CTDSPL2: variants seen among roughly 807,000 people sequenced by gnomAD.
CTDSPL2 encodes the protein CTD small phosphatase-like protein 2.
CTDSPL2 carries 5 observed loss-of-function variants against 60.0 expected under a neutral mutation model. The observed-to-expected ratio is 0.08, with a 90% CI of 0.04 to 0.18. CTDSPL2 has a LOEUF of 0.18. Ranked by LOEUF, CTDSPL2 falls within the 10% of genes least tolerant of loss-of-function variation. The probability of loss-of-function intolerance (pLI) is 1.00; values close to 1 mark genes in which losing one functional copy is unlikely to be tolerated. For synonymous variants in CTDSPL2, 186 were observed against 189.3 expected (o/e 0.98, Z 0.14); for missense variants, 370 against 548.8 (o/e 0.67, Z 3.26).
chr15:44,515,081 T>C (rs930072065), intron 10 of CTDSPL2, among the ~76,000 whole-genome samples: 3 of 151,990 alleles, frequency 2.0e-5, no homozygotes, highest in Non-Finnish European at 2.9e-5. Flanking sequence ...ATCTATATCC[T>C]CATTTCTTTT....
At chr15:44,462,166 A>G (rs2080584395) in intron 2 of CTDSPL2, among the ~76,000 whole-genome samples, 1 of 151,908 alleles carries the variant, frequency 6.6e-6, no homozygotes, top group South Asian at 2.1e-4. Context: ...CTGGTCACAA[A>G]CTCCTGGTCT....
At chr15:44,518,243 T>C (rs2081693724) in intron 10 of CTDSPL2, among the ~76,000 whole-genome samples, 1 of 152,204 alleles carries the variant, frequency 6.6e-6, no homozygotes, top group South Asian at 2.1e-4. Flanking sequence ...TTACCAATTA[T>C]TAATATATAC....
chr15:44,524,028 C>T, intron 12 of CTDSPL2, 81 bp from the exon 13 acceptor site: 1 of 1,087,226 alleles, frequency 9.2e-7, no homozygotes, highest in South Asian at 1.3e-5. Context: ...TATGTTTTCT[C>T]TGCAAGGTAA....
chr15:44,523,410 A>G (rs527397894), intron 12 of CTDSPL2, among the ~76,000 whole-genome samples: 1 of 140,242 alleles, frequency 7.1e-6, no homozygotes, highest in African/African-American at 2.5e-5. Context: ...ATACATACAT[A>G]CATACATACA....
Position 44,524,297 on chromosome 15 carries a change from T to A in CTDSPL2, c.*123T>A, listed in dbSNP as rs2081838609. Reference sequence around the variant, plus strand: ...TGTACCCCGTCTTGCTTTTCTTATCTTTGGTGCCCAATAATAATTAAGGGT... The same window carrying A: ...TGTACCCCGTCTTGCTTTTCTTATCATTGGTGCCCAATAATAATTAAGGGT... On this transcript the variant is annotated 3_prime_UTR_variant, in exon 13 of 13. Transcript: ENST00000260327. The A allele has an allele frequency of 2.8e-6, 2 of 717,792 alleles. No individual in the cohort carries two copies. The highest frequency in any genetic ancestry group is 4.4e-5 in the Admixed American group (2 of 45,796). The allele number at this position is 717,792 out of a possible 1,614,324, so 44.5% of individuals were successfully genotyped here.
chr15:44,431,025 T>A (rs1229778551), intron 1 of CTDSPL2, among the ~76,000 whole-genome samples: 1 of 152,076 alleles, frequency 6.6e-6, no homozygotes, highest in Non-Finnish European at 1.5e-5. Flanking sequence ...TTTCTCTATG[T>A]TGGCCAGGCT....
At position 44,464,460 on chromosome 15, in the gene CTDSPL2, T is replaced by C. The variant is rs1301734847; in HGVS notation, c.186+5260T>C. On this transcript the variant is annotated intron_variant, in intron 2 of 12. Coordinates refer to ENST00000260327, the MANE Select transcript of CTDSPL2 (RefSeq NM_016396.3). ...GGTGCTGCTAGGATTTAAACTCATATGTATTTAACTGATACCTGTATTATT... is the reference window on the plus strand; with the variant it reads ...GGTGCTGCTAGGATTTAAACTCATACGTATTTAACTGATACCTGTATTATT... Among the ~76,000 whole-genome samples the C allele has an allele frequency of 2.0e-5, 3 of 152,242 alleles. No individual in the cohort carries two copies. In the East Asian group the frequency reaches 5.8e-4, roughly 29 times the overall value.
At chr15:44,461,908 A>G (rs1221241420) in intron 2 of CTDSPL2, among the ~76,000 whole-genome samples, 3 of 152,058 alleles carry the variant, frequency 2.0e-5, no homozygotes, top group Non-Finnish European at 4.4e-5. Context: ...TAATGGACCA[A>G]TACAGTTCAA....
intron 2 of CTDSPL2, among the ~76,000 whole-genome samples, chr15:44,466,776 C>CAA (rs36050498): frequency 2.4e-4 from 34 of 143,348 alleles, no homozygotes; most frequent in East Asian, 8.1e-4. Context: ...ACTAAAAATA[C>CAA]AAAAAAAAAA....
chr15:44,472,808 C>T (rs952451151), intron 2 of CTDSPL2, among the ~76,000 whole-genome samples: 22 of 152,254 alleles, frequency 1.4e-4, no homozygotes, highest in Non-Finnish European at 2.9e-4. Flanking sequence ...GGATTACAGG[C>T]ACATGCCACC....
chr15:44,527,772 G>T lies in CTDSPL2; in HGVS notation c.*3598G>T. 1 of 152,158 alleles carries T rather than the reference G, an allele frequency of 6.6e-6. No homozygotes were observed. The highest frequency in any genetic ancestry group is 1.9e-4 in the East Asian group (1 of 5,196). The allele number at this position is 152,158 out of a possible 1,614,324, so 9.4% of individuals were successfully genotyped here. On this transcript the variant is annotated 3_prime_UTR_variant, in exon 13 of 13. Transcript: ENST00000260327. ...GTTTATTTTATTTCCCCTTATAGGG[G>T]AAGAGTGGACTGGGAACAAAAATGT...
At chr15:44,453,044 G>A (rs1410398209) in intron 1 of CTDSPL2, among the ~76,000 whole-genome samples, 1 of 152,070 alleles carries the variant, frequency 6.6e-6, no homozygotes, top group Non-Finnish European at 1.5e-5. Flanking sequence ...AGTTTATCCA[G>A]TTTTTTCTTT....
chr15:44,502,498 G>A (rs1305143451), intron 8 of CTDSPL2, among the ~76,000 whole-genome samples: 2 of 152,044 alleles, frequency 1.3e-5, no homozygotes, highest in Non-Finnish European at 2.9e-5. Flanking sequence ...AGGGCCAGTT[G>A]TAAATATTTT....
chr15:44,472,011 G>A (rs1374230789), intron 2 of CTDSPL2, among the ~76,000 whole-genome samples: 1 of 150,414 alleles, frequency 6.6e-6, no homozygotes, highest in East Asian at 1.9e-4. Context: ...CATCCATGTT[G>A]TGGCATATAT....
At chr15:44,489,277 G>T (rs1302607027) in intron 4 of CTDSPL2, among the ~76,000 whole-genome samples, 1 of 151,994 alleles carries the variant, frequency 6.6e-6, no homozygotes, top group East Asian at 1.9e-4. Context: ...TGTTGGTTAC[G>T]TTGATTCAAG....
intron 1 of CTDSPL2, among the ~76,000 whole-genome samples, chr15:44,429,145 C>T (rs1046499909): frequency 2.4e-4 from 36 of 152,118 alleles, no homozygotes; most frequent in African/African-American, 8.7e-4. Flanking sequence ...CAATAATAAA[C>T]AGGAACACAC....
At chr15:44,478,659 A>T (rs2080968304) in intron 2 of CTDSPL2, among the ~76,000 whole-genome samples, 8 of 151,780 alleles carry the variant, frequency 5.3e-5, no homozygotes, top group Admixed American at 3.3e-4. Context: ...TGATAATATA[A>T]TTTTTTTTAA....
rs747705648 is a variant in CTDSPL2, at chr15:44,427,780, C to G, written c.-25+8C>G. The G allele has an allele frequency of 2.5e-6, 1 of 399,114 alleles. No individual in the cohort carries two copies. Among genetic ancestry groups the G allele is most frequent in the African/African-American group, 2.1e-5 (1 of 48,634 alleles). The allele number at this position is 399,114 out of a possible 1,614,324, so 24.7% of individuals were successfully genotyped here. A position where few individuals can be genotyped will look rare whatever the true frequency, so the allele number is the denominator to read the frequency against. On this transcript the variant is annotated splice_region_variant and intron_variant, in intron 1 of 12. Coordinates refer to ENST00000260327, the MANE Select transcript of CTDSPL2 (RefSeq NM_016396.3). The stretch of plus-strand genomic sequence containing the variant: ...CTCTGTCGTCACAGTTAGGTAATCC[C>G]CTTCGTCCAGACGCCGCCGCTGCTT...
At chr15:44,429,381 TC>T (rs2079811520) in intron 1 of CTDSPL2, among the ~76,000 whole-genome samples, 1 of 152,198 alleles carries the variant, frequency 6.6e-6, no homozygotes, top group African/African-American at 2.4e-5. Flanking sequence ...AAATCATTGG[TC>T]TAGTGTGTAG....
Sources: gnomAD v4.1 joint callset for allele counts (sites outside exome capture counted in the v4.1 genomes callset) on GRCh38, gnomAD v4.1.1 for gene constraint, MANE v1.5 for transcripts, NCBI Gene and HGNC (gene_info 2026-07-23, HGNC 2026-07-21) for gene names.